Variants in FRMD5 observed in about 807,000 individuals in gnomAD.
FRMD5 encodes the protein FERM domain-containing protein 5.
In FRMD5, 20 loss-of-function variants were observed where a neutral mutation model predicts 69.0. That is an observed-to-expected ratio of 0.29 (90% CI 0.20 to 0.42). FRMD5 has a LOEUF of 0.42. FRMD5 is among the 10% of genes least tolerant of loss of function. The pLI, the probability that FRMD5 is intolerant of heterozygous loss-of-function variation, is 1.00. For synonymous variants in FRMD5, 271 were observed against 260.1 expected, an observed-to-expected ratio of 1.04 and a Z score of -0.40; for missense variants, 595 against 708.6, an observed-to-expected ratio of 0.84 and a Z score of 1.82.
intron 1 of FRMD5, among the ~76,000 whole-genome samples, chr15:44,182,950 C>T (rs901670212): frequency 5.9e-5 from 9 of 151,926 alleles, no homozygotes; most frequent in Admixed American, 2.0e-4. Flanking sequence ...CGCCTGCCAC[C>T]ACGCCAGGCT....
chr15:44,139,727 C>CAAAAAAAAAAAA (rs71111842), intron 1 of FRMD5, among the ~76,000 whole-genome samples: 41 of 72,028 alleles, frequency 5.7e-4, no homozygotes, highest in South Asian at 7.6e-4. Context: ...CCAGTCTCTA[C>CAAAAAAAAAAAA]AAAAAAAAAA....
intron 5 of FRMD5, among the ~76,000 whole-genome samples, chr15:43,907,562 G>C (rs939539886): frequency 6.8e-6 from 1 of 146,948 alleles, no homozygotes; most frequent in Non-Finnish European, 1.5e-5. Flanking sequence ...GTCTGGCTCT[G>C]TCACCAGGCT....
chr15:44,027,167 C>T (rs1444336146), intron 1 of FRMD5, among the ~76,000 whole-genome samples: 2 of 152,162 alleles, frequency 1.3e-5, no homozygotes, highest in Non-Finnish European at 2.9e-5. Flanking sequence ...ACCTTCTTCT[C>T]TATATTACGT....
chr15:44,155,751 G>A (rs1429420628), intron 1 of FRMD5, among the ~76,000 whole-genome samples: 8 of 151,626 alleles, frequency 5.3e-5, no homozygotes, highest in South Asian at 2.1e-4. Flanking sequence ...CCATCACCAC[G>A]CCTGTCTAAT....
At chr15:44,007,745 A>C (rs1057201073) in intron 1 of FRMD5, among the ~76,000 whole-genome samples, 10 of 138,934 alleles carry the variant, frequency 7.2e-5, no homozygotes, top group Admixed American at 5.9e-4. Flanking sequence ...TCCCGGGTTC[A>C]AGTGATTCTC....
intron 1 of FRMD5, among the ~76,000 whole-genome samples, chr15:44,000,553 G>A (rs933603096): frequency 2.0e-5 from 3 of 151,546 alleles, no homozygotes; most frequent in African/African-American, 4.8e-5. Context: ...TCTGCCTCCC[G>A]GGTTCAAGCG....
chr15:43,874,049 G>T lies in FRMD5; in HGVS notation c.1549C>A (p.Leu517Ile). The change falls in exon 14 of 14, where the codon CTC becomes ATC. Residue 517 changes from leucine to isoleucine, a missense_variant. By Grantham distance (5) the Leu-to-Ile change is conservative. Coordinates refer to ENST00000417257, the MANE Select transcript of FRMD5 (RefSeq NM_032892.5). ...VTMGLLFVLL[L>I]LLIILTESDL... is the part of the protein sequence containing the mutation. ...GACTCGGTAAGGATGATCAGGAGGA[G>T]GAGCAAAACAAAGAGGAGTCCCATG... The T allele has an allele frequency of 6.2e-7, 1 of 1,614,218 alleles. No homozygotes were observed. The highest frequency in any genetic ancestry group is 8.5e-7 in the Non-Finnish European group (1 of 1,180,044).
chr15:44,133,242 A>C (rs1164803378), intron 1 of FRMD5, among the ~76,000 whole-genome samples: 1 of 151,618 alleles, frequency 6.6e-6, no homozygotes, highest in African/African-American at 2.4e-5. Flanking sequence ...AAACAAAAAA[A>C]TGATTAAAAT....
chr15:43,982,515 C>T (rs979219737), intron 1 of FRMD5, among the ~76,000 whole-genome samples: 6 of 152,144 alleles, frequency 3.9e-5, no homozygotes, highest in African/African-American at 1.2e-4. Context: ...TGCATTTGTA[C>T]AAAACAGTAG....
intron 2 of FRMD5, among the ~76,000 whole-genome samples, chr15:43,922,366 A>C (rs2089508829): frequency 6.6e-6 from 1 of 152,214 alleles, no homozygotes; most frequent in Non-Finnish European, 1.5e-5. Flanking sequence ...TGAAGCTCTT[A>C]GCTTAGTGCC....
Position 43,888,853 on chromosome 15 carries a change from T to G in FRMD5, c.748A>C (p.Lys250Gln). 6.2e-7 allele frequency: 1 copy of G among 1,614,070 alleles called. No homozygotes were observed. Among genetic ancestry groups the G allele is most frequent in the East Asian group, 2.2e-5 (1 of 44,868 alleles). ...FIKWNEVTKL[K>Q]FEGKTFYLYV... The stretch of plus-strand genomic sequence containing the variant: ...AAATAGAAAGTCTTTCCTTCAAATT[T>G]CAGCTTGGTCACCTCATTCCTAGAA... Residue 250 changes from lysine (K) to glutamine (Q), a missense_variant, in exon 9 of 14, where the codon AAA (lysine) becomes CAA (glutamine). This residue lies in a region of FRMD5 where 176 missense variants were observed against 266.3 expected (regional missense o/e 0.66). Coordinates refer to ENST00000417257, the MANE Select transcript of FRMD5 (RefSeq NM_032892.5).
chr15:44,140,005 CATATAT>C (rs146673012), intron 1 of FRMD5, among the ~76,000 whole-genome samples: 59 of 151,910 alleles, frequency 3.9e-4, no homozygotes, highest in African/African-American at 1.4e-3. Context: ...TATACATATA[CATATAT>C]ACACATAAAT....
chr15:44,111,725 T>G (rs540785735), intron 1 of FRMD5, among the ~76,000 whole-genome samples: 2 of 152,356 alleles, frequency 1.3e-5, no homozygotes, highest in South Asian at 4.1e-4. Flanking sequence ...CTCTCCATTC[T>G]TAGTCATTTG....
chr15:44,063,444 G>C (rs924035326), intron 1 of FRMD5: 1 of 186,336 alleles, frequency 5.4e-6, no homozygotes, highest in Non-Finnish European at 1.1e-5. Flanking sequence ...TGAAAATTAG[G>C]CTTTCTGCTC....
At chr15:43,986,931 C>CT (rs1487106656) in intron 1 of FRMD5, among the ~76,000 whole-genome samples, 1 of 151,962 alleles carries the variant, frequency 6.6e-6, no homozygotes, top group Non-Finnish European at 1.5e-5. Flanking sequence ...ATATTTCAAA[C>CT]TTTTTCATTA....
intron 1 of FRMD5, among the ~76,000 whole-genome samples, chr15:44,191,185 T>A (rs1173939076): frequency 4.6e-5 from 7 of 152,244 alleles, no homozygotes; most frequent in African/African-American, 1.7e-4. Context: ...AAAAACTGAT[T>A]AACATTTCTG....
Position 43,884,772 on chromosome 15 carries a change from A to T in FRMD5, c.983T>A (p.Met328Lys), listed in dbSNP as rs1323017000. 6.2e-7 allele frequency: 1 copy of T among 1,614,032 alleles called. No individual in the cohort carries two copies. The highest frequency in any genetic ancestry group is 8.5e-7 in the Non-Finnish European group (1 of 1,179,992). The change falls in exon 12 of 14, where the codon ATG becomes AAG. Residue 328 changes from methionine (M) to lysine (K), a missense_variant. Around this residue, in one of 5 missense-constraint regions of FRMD5, gnomAD observed 176 missense variants for 266.3 expected, o/e 0.66. Transcript: ENST00000417257. ...RYSGRVAKEVMESSAKIKREP... is the reference protein window; with the variant it reads ...RYSGRVAKEVKESSAKIKREP... ...CCGTTTGATCTTAGCACTTGATTCC[A>T]TGACTTCCTTTGCAACTCGGCCACT...
chr15:44,074,360 TC>T (rs1356342906), intron 1 of FRMD5, among the ~76,000 whole-genome samples: 1 of 152,090 alleles, frequency 6.6e-6, no homozygotes, highest in African/African-American at 2.4e-5. Context: ...TTGGCTTTGG[TC>T]AGTAAAATTA....
intron 5 of FRMD5, among the ~76,000 whole-genome samples, chr15:43,909,633 A>G (rs1427254412): frequency 2.6e-5 from 4 of 151,974 alleles, no homozygotes; most frequent in African/African-American, 9.7e-5. Context: ...GGTGTGTGCC[A>G]CCACACTGGC....
Sources: gnomAD v4.1 joint callset for allele counts (sites outside exome capture counted in the v4.1 genomes callset) on GRCh38, gnomAD v4.1.1 for gene constraint, gnomAD v4.1.1 regional missense constraint, MANE v1.5 for transcripts, NCBI Gene and HGNC (gene_info 2026-07-23, HGNC 2026-07-21) for gene names.